The following SLC12A3 variants were observed in gnomAD, a reference collection of about 807,000 sequenced individuals.
SLC12A3 encodes Na-Cl cotransporter.
SLC12A3 carries 104 observed loss-of-function variants against 121.0 expected under a neutral mutation model. That is an observed-to-expected ratio of 0.86 (90% CI 0.73 to 1.01). SLC12A3 has a LOEUF of 1.01. Among genes scored for constraint, SLC12A3 ranks in the 50% least tolerant of loss-of-function variants. The pLI, the probability that SLC12A3 is intolerant of heterozygous loss-of-function variation, is 0.00. For missense variants in SLC12A3, 1,328 were observed against 1,356.3 expected (o/e 0.98, Z 0.33); for synonymous variants, 536 against 533.4 (o/e 1.00, Z -0.07).
intron 8 of SLC12A3, among the ~76,000 whole-genome samples, chr16:56,874,509 C>G (rs1465769600): frequency 6.6e-6 from 1 of 152,114 alleles, no homozygotes; most frequent in Non-Finnish European, 1.5e-5. Flanking sequence ...AAATTAAGAG[C>G]TGTGCATTGA....
At chr16:56,870,776 C>A in intron 6 of SLC12A3, 40 bp downstream of exon 6, 1 of 1,284,860 alleles carries the variant, frequency 7.8e-7, no homozygotes, top group Non-Finnish European at 1.1e-6. Flanking sequence ...GAGGTGGTCA[C>A]GTGGAGAAGC....
rs368509876 is a variant in SLC12A3, at chr16:56,884,209, G to T, written c.1825+5G>T. The T allele has an allele frequency of 1.9e-6, 3 of 1,613,870 alleles. No individual in the cohort carries two copies. Among genetic ancestry groups the T allele is most frequent in the South Asian group, 2.2e-5 (2 of 91,072 alleles). ...ATGTCATCTACAAGAAGCCAGGTGCGCATCTCAGCTGCGGGGCCTCGGCCC... is the reference window on the plus strand; with the variant it reads ...ATGTCATCTACAAGAAGCCAGGTGCTCATCTCAGCTGCGGGGCCTCGGCCC... On this transcript the variant is annotated splice_donor_5th_base_variant and intron_variant, in intron 14 of 25. Coordinates refer to ENST00000563236, the MANE Select transcript of SLC12A3 (RefSeq NM_001126108.2).
At chr16:56,893,124 C>T (rs1306234915) in intron 21 of SLC12A3, 70 bp downstream of exon 21, 1 of 1,265,334 alleles carries the variant, frequency 7.9e-7, no homozygotes, top group Non-Finnish European at 1.1e-6. Flanking sequence ...CCTTCCTTCT[C>T]CTTCCTGGCC....
rs533680734 is a variant in SLC12A3 at position 56,900,134 on chromosome 16, C to T, written c.2720+518C>T. Among the ~76,000 whole-genome samples, 25 of 152,240 alleles carry T rather than the reference C, an allele frequency of 1.6e-4. No individual in the cohort carries two copies. The South Asian group carries it at 1.7e-3, about 10-fold the overall frequency. On this transcript the variant is annotated intron_variant, in intron 23 of 25. Transcript: ENST00000563236. ...TATGTTTCCTCCTGACCTCCTAGCCCTAACTTTTCTCTTACGTCTCCCAGC... is the reference window on the plus strand; with the variant it reads ...TATGTTTCCTCCTGACCTCCTAGCCTTAACTTTTCTCTTACGTCTCCCAGC...
chr16:56,882,566 G>A, intron 13 of SLC12A3, 69 bp downstream of exon 13: 1 of 1,192,004 alleles, frequency 8.4e-7, no homozygotes, highest in Non-Finnish European at 1.3e-6. Flanking sequence ...GCATGGGGTG[G>A]GAGTGGGAGG....
At chr16:56,879,408 C>A in intron 10 of SLC12A3, 134 bp from the exon 11 acceptor site, 1 of 1,052,354 alleles carries the variant, frequency 9.5e-7, no homozygotes, top group Non-Finnish European at 1.4e-6. Flanking sequence ...ACACTGGGAT[C>A]TCCAGGGGTG....
chr16:56,909,771 G>A (rs979875446), intron 25 of SLC12A3, among the ~76,000 whole-genome samples: 9 of 151,202 alleles, frequency 6.0e-5, no homozygotes, highest in African/African-American at 2.2e-4. Flanking sequence ...GCTCTAGGGT[G>A]GAGCCCAGAA....
chr16:56,893,969 TATTTTATTTATTTA>T (rs2055426459), intron 21 of SLC12A3, among the ~76,000 whole-genome samples: 2 of 95,926 alleles, frequency 2.1e-5, no homozygotes, highest in Middle Eastern at 5.2e-3. Flanking sequence ...TTTTTATTTT[TATTTTATTTATTTA>T]TTTATTTATT....
chr16:56,887,798 ATTTTTTT>A (rs1211988197), intron 17 of SLC12A3, 120 bp from the exon 18 acceptor site: 10 of 68,492 alleles, frequency 1.5e-4, no homozygotes, highest in Admixed American at 4.0e-4. Flanking sequence ...ATATATATAT[ATTTTTTT>A]TTTTTTTTTT....
In SLC12A3 at chr16:56,913,637, C is replaced by T; in HGVS notation, c.*232C>T. On this transcript the variant is annotated 3_prime_UTR_variant, in exon 26 of 26. Coordinates refer to ENST00000563236, the MANE Select transcript of SLC12A3 (RefSeq NM_001126108.2). ...GCTAGAGAAATAGCAGATGGAGCTG[C>T]AAGGAAAACTCTCTAAAGCATCCTA... 1.7e-6 allele frequency: 1 copy of T among 584,424 alleles called. No homozygotes were observed. Among genetic ancestry groups the T allele is most frequent in the Non-Finnish European group, 3.1e-6 (1 of 326,526 alleles). 36.2% of individuals were successfully genotyped at this position (584,424 alleles called of 1,614,324 possible).
intron 22 of SLC12A3, 45 bp from the exon 23 acceptor site, chr16:56,899,485 T>A: frequency 6.8e-7 from 1 of 1,459,982 alleles, no homozygotes; most frequent in Non-Finnish European, 9.6e-7. Flanking sequence ...CAAGACGCTG[T>A]CTCAAGAAAA....
intron 25 of SLC12A3, among the ~76,000 whole-genome samples, chr16:56,907,747 A>G (rs1194366794): frequency 2.6e-5 from 4 of 152,096 alleles, no homozygotes; most frequent in Admixed American, 2.0e-4. Flanking sequence ...AATCCTATTC[A>G]TAGGTCACAG....
intron 20 of SLC12A3, 98 bp from the exon 21 acceptor site, chr16:56,892,855 G>C: frequency 1.1e-6 from 1 of 905,728 alleles, no homozygotes; most frequent in Non-Finnish European, 1.8e-6. Flanking sequence ...CAGAGAACCC[G>C]TGTTCAACAT....
At chr16:56,904,627 C>A in intron 25 of SLC12A3, 165 bp downstream of exon 25, 1 of 697,000 alleles carries the variant, frequency 1.4e-6, no homozygotes. Flanking sequence ...TAGCATGTGG[C>A]TGGGCCTGAG....
intron 6 of SLC12A3, among the ~76,000 whole-genome samples, chr16:56,871,389 C>T (rs557606253): frequency 2.0e-5 from 3 of 152,228 alleles, no homozygotes; most frequent in Non-Finnish European, 4.4e-5. Flanking sequence ...ATCGCTGTCA[C>T]ACATGGCTGC....
intron 16 of SLC12A3, 44 bp from the exon 17 acceptor site, chr16:56,886,909 G>A: frequency 6.2e-7 from 1 of 1,612,228 alleles, no homozygotes; most frequent in Non-Finnish European, 8.5e-7. Context: ...TCAGGCTGGA[G>A]GGTGAAGGCA....
chr16:56,865,583 C>T (rs1596883646), intron 1 of SLC12A3, 66 bp downstream of exon 1: 2 of 1,548,212 alleles, frequency 1.3e-6, no homozygotes, highest in East Asian at 4.5e-5. Context: ...TACCTAACCT[C>T]TCTGAGCCTC....
Position 56,894,566 on chromosome 16 carries a change from A to G in SLC12A3, c.2557A>G (p.Lys853Glu), listed in dbSNP as rs2055436390. 1 of 1,614,022 alleles carries G rather than the reference A, an allele frequency of 6.2e-7. No individual in the cohort carries two copies. ...CCTCATTCCCTATCTCCTTGGCCGCAAGAGGAGGTGGAGCAAATGCAAGAT... is the reference window on the plus strand; with the variant it reads ...CCTCATTCCCTATCTCCTTGGCCGCGAGAGGAGGTGGAGCAAATGCAAGAT... ...TLLIPYLLGR[K>E]RRWSKCKIRV... is the part of the protein sequence containing the mutation. Residue 853 changes from lysine to glutamate, a missense_variant, in exon 22 of 26, where the codon AAG becomes GAG. Coordinates refer to ENST00000563236, the MANE Select transcript of SLC12A3 (RefSeq NM_001126108.2).
Position 56,879,606 on chromosome 16 carries a change from C to T in SLC12A3, c.1400C>T (p.Ser467Phe), listed in dbSNP as rs142912565. ...GCTGGCATCTTCGGGGCCACCCTCT[C>T]CTCTGCCCTGGCCTGCCTTGTCTCT... The part of the protein sequence containing the change: ...ITAGIFGATL[S>F]SALACLVSAA... Residue 467 changes from serine to phenylalanine, a missense_variant, in exon 11 of 26, where the codon TCC becomes TTC. Transcript: ENST00000563236. The T allele has an allele frequency of 1.6e-5, 26 of 1,613,646 alleles. No homozygotes were observed. The highest frequency in any genetic ancestry group is 2.1e-5 in the Non-Finnish European group (25 of 1,180,000).
Sources: gnomAD v4.1 joint callset for allele counts (sites outside exome capture counted in the v4.1 genomes callset) on GRCh38, gnomAD v4.1.1 for gene constraint, MANE v1.5 for transcripts, NCBI Gene and HGNC (gene_info 2026-07-23, HGNC 2026-07-21) for gene names.